The following ATIC variants were observed in gnomAD, a reference collection of about 807,000 sequenced individuals.
The protein encoded by ATIC is bifunctional purine biosynthesis protein ATIC.
In ATIC, 64 loss-of-function variants were observed where a neutral mutation model predicts 72.5. The ratio of observed to expected loss-of-function variants is 0.88; its 90% CI spans 0.72 to 1.09. The LOEUF is 1.09. ATIC is among the 50% of genes least tolerant of loss of function. ATIC has a pLI of 0.00. For synonymous variants in ATIC, 281 were observed against 267.1 expected, an observed-to-expected ratio of 1.05 and a Z score of -0.51; for missense variants, 787 against 732.4, an observed-to-expected ratio of 1.07 and a Z score of -0.86.
Position 215,336,045 on chromosome 2 carries a change from G to A in ATIC, c.1019G>A (p.Gly340Asp). The change falls in exon 11 of 16, where the codon GGT becomes GAT. Residue 340 changes from glycine to aspartate, a missense_variant. Transcript: ENST00000236959. ...TTAATATTTTTGCAGGTATCTGATG[G>A]TATAATTGCCCCAGGATATGAAGAA... ...AKIISREVSDGIIAPGYEEEA... is the reference protein window; with the variant it reads ...AKIISREVSDDIIAPGYEEEA... 1 of 1,610,004 alleles carries A rather than the reference G, an allele frequency of 6.2e-7. No homozygotes were observed. Among genetic ancestry groups the A allele is most frequent in the Non-Finnish European group, 8.5e-7 (1 of 1,177,312 alleles).
chr2:215,324,966 G>A lies in ATIC; in HGVS notation c.291-275G>A, dbSNP rs1022039339. Among the ~76,000 whole-genome samples the A allele has an allele frequency of 3.3e-5, 5 of 152,190 alleles. No individual in the cohort carries two copies. In the East Asian group the frequency reaches 7.7e-4, roughly 23 times the overall value. On this transcript the variant is annotated intron_variant, in intron 4 of 15. Transcript: ENST00000236959. ...GGTGGTTCTGGGTAGCTAAGGTTAT[G>A]CAAGCAGCAGCGTTGCAGTGTGACG...
chr2:215,346,819 A>G lies in ATIC; in HGVS notation c.1381A>G (p.Lys461Glu), dbSNP rs773451799. Reference protein sequence around the residue: ...RIHCTRLAGDKANYWWLRHHP... With the variant: ...RIHCTRLAGDEANYWWLRHHP... ...ACACTGCACTCGCCTTGCAGGAGAT[A>G]AGGCAAACTATTGGTGGCTTAGACA... The change falls in exon 14 of 16, where the codon AAG becomes GAG. Residue 461 changes from lysine (K) to glutamate (E), a missense_variant. Physicochemically the swap from Lys to Glu is moderately conservative, Grantham distance 56. Coordinates refer to ENST00000236959, the MANE Select transcript of ATIC (RefSeq NM_004044.7). 6.8e-6 allele frequency: 11 copies of G among 1,614,186 alleles called. No homozygotes were observed. The highest frequency in any genetic ancestry group is 5.5e-5 in the South Asian group (5 of 91,084).
At chr2:215,348,790 G>A in intron 14 of ATIC, 1 of 311,094 alleles carries the variant, frequency 3.2e-6, no homozygotes, top group Non-Finnish European at 6.1e-6. Context: ...GTGAAACTCT[G>A]TCTCCAAAAA....
intron 8 of ATIC, among the ~76,000 whole-genome samples, 157 bp downstream of exon 8, chr2:215,332,664 G>GATAC (rs2052908541): frequency 6.6e-6 from 1 of 152,042 alleles, no homozygotes; most frequent in Non-Finnish European, 1.5e-5. Flanking sequence ...TATAAAATCT[G>GATAC]ATACACACAC....
chr2:215,367,808 T>C, the ATIC span: 2 of 1,566,768 alleles, frequency 1.3e-6, no homozygotes, highest in South Asian at 1.1e-5. Flanking sequence ...CATGAGTGCA[T>C]GCATGGAACT....
chr2:215,349,489 G>T, intron 15 of ATIC, 47 bp from the exon 16 acceptor site: 8 of 1,613,572 alleles, frequency 5.0e-6, no homozygotes, highest in Non-Finnish European at 6.8e-6. Context: ...GAGTTTTGCA[G>T]GTTTTTACAT....
intron 7 of ATIC, among the ~76,000 whole-genome samples, chr2:215,329,536 T>A (rs2052866913): frequency 6.6e-6 from 1 of 152,180 alleles, no homozygotes; most frequent in African/African-American, 2.4e-5. Context: ...TTACAGAGTG[T>A]ATGGTTGCGA....
chr2:215,366,655 C>T, the ATIC span, among the ~76,000 whole-genome samples: 1 of 152,060 alleles, frequency 6.6e-6, no homozygotes, highest in Non-Finnish European at 1.5e-5. Context: ...CTACTTTTTC[C>T]ATTTTATCAA....
In ATIC at chr2:215,330,142, G is replaced by A. The variant is rs563004231; in HGVS notation, c.689-2240G>A. On this transcript the variant is annotated intron_variant, in intron 7 of 15. Transcript: ENST00000236959. ...AACCTTAGCCTAAACCATCTATGAG[G>A]AGTGGGAGGGAGATGGGGGAGTTGT... Among the ~76,000 whole-genome samples, 7 of 152,330 alleles carry A rather than the reference G, an allele frequency of 4.6e-5. No individual in the cohort carries two copies. In the South Asian group the frequency reaches 1.4e-3, roughly 32 times the overall value.
At position 215,349,068 on chromosome 2, in the gene ATIC, T is replaced by C. The variant is rs532235155; in HGVS notation, c.1504-26T>C. On this transcript the variant is annotated intron_variant, in intron 14 of 15. Transcript: ENST00000236959. Reference sequence around the variant, plus strand: ...AACTAAAGACGATGTCAGACCAAGCTTCTTCCTTTCTCTCTCCCCGCATAG... The same window carrying C: ...AACTAAAGACGATGTCAGACCAAGCCTCTTCCTTTCTCTCTCCCCGCATAG... 1.2e-4 allele frequency: 190 copies of C among 1,613,956 alleles called. 2 individuals are homozygous for C. In the South Asian group the frequency reaches 1.9e-3, roughly 16 times the overall value.
chr2:215,342,868 C>T (rs759038134), intron 12 of ATIC, among the ~76,000 whole-genome samples: 1 of 152,122 alleles, frequency 6.6e-6, no homozygotes, highest in Non-Finnish European at 1.5e-5. Context: ...TCAGTAGAGA[C>T]GGGGTTTCAC....
intron 4 of ATIC, among the ~76,000 whole-genome samples, chr2:215,323,237 G>A (rs920072227): frequency 2.0e-5 from 3 of 152,152 alleles, no homozygotes; most frequent in Admixed American, 6.5e-5. Flanking sequence ...GAGCCACTGC[G>A]CCCGGCCCCA....
rs188585135 is a variant in ATIC at position 215,349,682 on chromosome 2, G to A, written c.*27G>A. ...TTTACCACACACTGTTTTTTGGCTT[G>A]CTTATGTGTAGGTGAACAGTCACGC... On this transcript the variant is annotated 3_prime_UTR_variant, in exon 16 of 16. Coordinates refer to ENST00000236959, the MANE Select transcript of ATIC (RefSeq NM_004044.7). 5.4e-4 allele frequency: 864 copies of A among 1,614,020 alleles called. 4 individuals are homozygous for A. Among genetic ancestry groups the A allele is most frequent in the South Asian group, 2.6e-3 (236 of 91,066 alleles).
At chr2:215,356,310 T>C in the ATIC span, among the ~76,000 whole-genome samples, 1 of 152,242 alleles carries the variant, frequency 6.6e-6, no homozygotes, top group African/African-American at 2.4e-5. Flanking sequence ...TGTCTATTTA[T>C]GGATAATTTT....
rs527926490 is a variant in ATIC, at chr2:215,320,624, G to A, written c.290+893G>A. On this transcript the variant is annotated intron_variant, in intron 4 of 15. Transcript: ENST00000236959. Reference sequence around the variant, plus strand: ...AGACAGGGTCTCGCTCTGTTGCTCAGGTTGGAGTTCAGTGGCATGACCTTG... The same window carrying A: ...AGACAGGGTCTCGCTCTGTTGCTCAAGTTGGAGTTCAGTGGCATGACCTTG... 1.2e-3 allele frequency among the ~76,000 whole-genome samples: 189 copies of A among 152,214 alleles called. 2 individuals are homozygous for A. Among genetic ancestry groups the A allele is most frequent in the African/African-American group, 4.4e-3 (184 of 41,516 alleles).
intron 2 of ATIC, among the ~76,000 whole-genome samples, chr2:215,313,525 G>C (rs551885130): frequency 6.6e-6 from 1 of 152,290 alleles, no homozygotes; most frequent in Admixed American, 6.5e-5. Flanking sequence ...CTATAGGATA[G>C]CTATTTAATA....
the ATIC span, among the ~76,000 whole-genome samples, chr2:215,356,546 C>T: frequency 1.3e-5 from 2 of 152,174 alleles, no homozygotes; most frequent in African/African-American, 4.8e-5. Flanking sequence ...GCAACAATCA[C>T]CATTATCTAG....
At chr2:215,334,189 CTTTTTT>C (rs551274501) in intron 9 of ATIC, among the ~76,000 whole-genome samples, 2,077 of 100,954 alleles carry the variant, frequency 0.021, 43 homozygotes, top group African/African-American at 0.071. Flanking sequence ...AAAAGCTATT[CTTTTTT>C]TTTTTTTTTT....
chr2:215,361,550 A>ATGAT, the ATIC span: 255 of 1,594,634 alleles, frequency 1.6e-4, 1 homozygote, highest in African/African-American at 3.1e-3. Context: ...GATTGGAAAG[A>ATGAT]TGATTTACTC....
Sources: allele counts gnomAD v4.1 joint callset (sites outside exome capture counted in the v4.1 genomes callset), GRCh38; gene constraint gnomAD v4.1.1; transcripts MANE v1.5; gene names NCBI Gene and HGNC (gene_info 2026-07-23, HGNC 2026-07-21).